The following CCDC88C variants were observed in gnomAD, a reference collection of about 807,000 sequenced individuals.
The protein encoded by CCDC88C is coiled-coil and HOOK domain protein 88C, also known as protein Daple.
A neutral mutation model predicts 198.8 loss-of-function variants in CCDC88C; 131 were observed. The ratio of observed to expected loss-of-function variants is 0.66; its 90% CI spans 0.57 to 0.76. The LOEUF (loss-of-function observed/expected upper bound fraction) is 0.76, where lower values mean the gene tolerates loss of function less well. Ranked by LOEUF, CCDC88C falls within the 30% of genes least tolerant of loss-of-function variation. The pLI is 0.00. For synonymous variants in CCDC88C, 1,166 were observed against 1,114.7 expected, an observed-to-expected ratio of 1.05 and a Z score of -0.92; for missense variants, 2,553 against 2,631.6, an observed-to-expected ratio of 0.97 and a Z score of 0.65.
intron 4 of CCDC88C, among the ~76,000 whole-genome samples, chr14:91,349,118 G>T (rs1893675281): frequency 6.6e-6 from 1 of 152,170 alleles, no homozygotes; most frequent in Non-Finnish European, 1.5e-5. Flanking sequence ...AGTAAGACTG[G>T]CTCAGTGACA....
rs760441816 is a variant in CCDC88C, at chr14:91,329,560, C to T, written c.1051-3504G>A. Among the ~76,000 whole-genome samples, 8 of 152,180 alleles carry T rather than the reference C, an allele frequency of 5.3e-5. No individual in the cohort carries two copies. In the South Asian group the frequency reaches 6.2e-4, roughly 12 times the overall value. ...TCCTTCCTGTGAAGGCTGAAGCTCA[C>T]GTTCATTCACAGGCAAGCATCAAGT... is the stretch of plus-strand genomic sequence containing the variant. On this transcript the variant is annotated intron_variant, in intron 10 of 29. Coordinates refer to ENST00000389857, the MANE Select transcript of CCDC88C (RefSeq NM_001080414.4).
intron 3 of CCDC88C, among the ~76,000 whole-genome samples, chr14:91,374,970 A>G (rs1596128585): frequency 6.6e-6 from 1 of 152,218 alleles, no homozygotes; most frequent in Admixed American, 6.5e-5. Context: ...ACGGAGCCCA[A>G]TGGGACAGGC....
intron 3 of CCDC88C, among the ~76,000 whole-genome samples, chr14:91,407,716 C>T (rs900377310): frequency 6.6e-6 from 1 of 152,156 alleles, no homozygotes; most frequent in African/African-American, 2.4e-5. Flanking sequence ...TCCGTATTGG[C>T]CACACAGAGA....
chr14:91,320,747 C>T (rs572179218), intron 13 of CCDC88C, among the ~76,000 whole-genome samples: 1 of 152,322 alleles, frequency 6.6e-6, no homozygotes, highest in Admixed American at 6.5e-5. Context: ...AAACCCCACA[C>T]CCCTGGTATA....
Position 91,272,331 on chromosome 14 carries a change from A to C in CCDC88C, c.*294T>G. Reference sequence around the variant, plus strand: ...CTGGAGTAGTGTCTGCTTTGGGGGAAGTCAGTTTGTCATTGCATCCTAATT... The same window carrying C: ...CTGGAGTAGTGTCTGCTTTGGGGGACGTCAGTTTGTCATTGCATCCTAATT... On this transcript the variant is annotated 3_prime_UTR_variant, in exon 30 of 30. Coordinates refer to ENST00000389857, the MANE Select transcript of CCDC88C (RefSeq NM_001080414.4). 4.7e-6 allele frequency: 2 copies of C among 421,590 alleles called. No homozygotes were observed. The highest frequency in any genetic ancestry group is 8.6e-6 in the Non-Finnish European group (2 of 232,922). The allele number at this position is 421,590 out of a possible 1,614,324, so 26.1% of individuals were successfully genotyped here.
rs199638745 is a variant in CCDC88C at position 91,302,844 on chromosome 14, A to AC, written c.3635+856dup. 4.4e-3 allele frequency among the ~76,000 whole-genome samples: 670 copies of AC among 152,230 alleles called. 6 individuals are homozygous for AC. The highest frequency in any genetic ancestry group is 0.016 in the African/African-American group (656 of 41,524). The stretch of plus-strand genomic sequence containing the variant: ...AGAGCTGGGAGGCCAGAGAAGGCAT[A>AC]CCCCTACAAACGGAGCCGTGGAGAA... On this transcript the variant is annotated intron_variant, in intron 20 of 29. Transcript: ENST00000389857.
intron 3 of CCDC88C, among the ~76,000 whole-genome samples, chr14:91,388,140 T>C (rs1885258777): frequency 6.6e-6 from 1 of 152,186 alleles, no homozygotes; most frequent in Non-Finnish European, 1.5e-5. Context: ...ACCATCAGCC[T>C]AAACACAGAG....
In CCDC88C at chr14:91,288,933, A is replaced by G; in HGVS notation, c.4441+172T>C. On this transcript the variant is annotated intron_variant, in intron 25 of 29. Transcript: ENST00000389857. This position sits in a 1 kb window ranked among gnomAD's most constrained non-coding sequence, Gnocchi z 4.2. ...TAAAGTAACAAAAGCATTATGGGAC[A>G]AAACGGTCGCCACGCTGAATTTCTA... 1.7e-6 allele frequency: 1 copy of G among 590,800 alleles called. No individual in the cohort carries two copies. Among genetic ancestry groups the G allele is most frequent in the Non-Finnish European group, 3.0e-6 (1 of 334,088 alleles). 36.6% of individuals were successfully genotyped at this position (590,800 alleles called of 1,614,324 possible).
chr14:91,323,486 C>T (rs184427801), intron 12 of CCDC88C, among the ~76,000 whole-genome samples: 110 of 152,326 alleles, frequency 7.2e-4, no homozygotes, highest in African/African-American at 2.6e-3. Flanking sequence ...AGGCTTTATG[C>T]CAGGTCTTTC....
rs182709327 is a variant in CCDC88C at position 91,325,798 on chromosome 14, C to G, written c.1197+112G>C. On this transcript the variant is annotated intron_variant, in intron 11 of 29. Transcript: ENST00000389857. The surrounding 1 kb of genome is among the most constrained non-coding windows in gnomAD (Gnocchi z 4.1). Reference sequence around the variant, plus strand: ...TAGGTTGCCAGGGTTAGAACTCCTGCGCTCAAGGGATCCTCCCACCTTAGC... The same window carrying G: ...TAGGTTGCCAGGGTTAGAACTCCTGGGCTCAAGGGATCCTCCCACCTTAGC... The G allele has an allele frequency of 9.3e-7, 1 of 1,075,396 alleles. No homozygotes were observed. Among genetic ancestry groups the G allele is most frequent in the Admixed American group, 2.6e-5 (1 of 37,834 alleles). The allele number at this position is 1,075,396 out of a possible 1,614,324, so 66.6% of individuals were successfully genotyped here.
chr14:91,322,796 G>A (rs61988402), intron 12 of CCDC88C, among the ~76,000 whole-genome samples: 8,978 of 151,928 alleles, frequency 0.059, 285 homozygotes, highest in African/African-American at 0.075. Context: ...TTAAGGTTCT[G>A]TGAGTTAAAC....
chr14:91,337,057 A>G (rs1893079436), intron 10 of CCDC88C, among the ~76,000 whole-genome samples: 1 of 152,184 alleles, frequency 6.6e-6, no homozygotes, highest in Non-Finnish European at 1.5e-5. Flanking sequence ...AACCACTTCC[A>G]GCCCCCCTTG....
chr14:91,291,911 A>C (rs971543664), intron 23 of CCDC88C, among the ~76,000 whole-genome samples: 3 of 152,198 alleles, frequency 2.0e-5, no homozygotes, highest in African/African-American at 7.2e-5. Flanking sequence ...TTCTGTTTGC[A>C]CTTAGGGAGT....
chr14:91,293,928 A>C (rs1890882600), intron 23 of CCDC88C, among the ~76,000 whole-genome samples: 1 of 152,224 alleles, frequency 6.6e-6, no homozygotes, highest in Non-Finnish European at 1.5e-5. Context: ...GAAGCAGAGA[A>C]AAGAAGTTTC....
intron 3 of CCDC88C, chr14:91,384,299 ATTTT>A: frequency 3.0e-6 from 1 of 331,226 alleles, no homozygotes; most frequent in South Asian, 2.4e-5. Flanking sequence ...TGTATTTGAA[ATTTT>A]TATTTTAGGC....
intron 13 of CCDC88C, among the ~76,000 whole-genome samples, chr14:91,320,899 A>T (rs1892328111): frequency 6.6e-6 from 1 of 152,216 alleles, no homozygotes; most frequent in African/African-American, 2.4e-5. Context: ...CTCTAATGGC[A>T]GCGAAGCAGG....
At chr14:91,319,509 G>A (rs1262437644) in intron 13 of CCDC88C, among the ~76,000 whole-genome samples, 1 of 152,224 alleles carries the variant, frequency 6.6e-6, no homozygotes, top group African/African-American at 2.4e-5. Context: ...TCCGTCAGTG[G>A]CCTCACACAT....
chr14:91,376,238 G>A (rs1386663770), intron 3 of CCDC88C, among the ~76,000 whole-genome samples: 9 of 152,172 alleles, frequency 5.9e-5, no homozygotes, highest in Non-Finnish European at 1.2e-4. Flanking sequence ...GCTCGTCGCC[G>A]GGCATATGCA....
At chr14:91,382,258 T>A (rs555485479) in intron 3 of CCDC88C, among the ~76,000 whole-genome samples, 2 of 152,106 alleles carry the variant, frequency 1.3e-5, no homozygotes, top group Non-Finnish European at 2.9e-5. Context: ...GGCCTCATAA[T>A]CCTTCTCAAC....
Sources: gnomAD v4.1 joint callset for allele counts (sites outside exome capture counted in the v4.1 genomes callset) on GRCh38, gnomAD v4.1.1 for gene constraint, Gnocchi (gnomAD v3.1) non-coding constraint, MANE v1.5 for transcripts, NCBI Gene and HGNC (gene_info 2026-07-23, HGNC 2026-07-21) for gene names.